The following GALNT15 variants were observed in gnomAD, a reference collection of about 807,000 sequenced individuals.
GALNT15 encodes the protein polypeptide N-acetylgalactosaminyltransferase 15.
Under a neutral mutation model 66.8 loss-of-function variants are expected in GALNT15, and 67 were observed. The observed-to-expected ratio is 1.00, with a 90% CI of 0.82 to 1.23. GALNT15 has a LOEUF of 1.23. Among genes scored for constraint, GALNT15 ranks in the 50% most tolerant of loss-of-function variants. The pLI is 0.00. For missense variants in GALNT15, 827 were observed against 804.3 expected (o/e 1.03, Z -0.34); for synonymous variants, 313 against 311.5 (o/e 1.00, Z -0.05).
rs756701073 is a variant in GALNT15, at chr3:16,212,646, T to C, written c.1275T>C (p.His425=). 1 of 1,613,836 alleles carries C rather than the reference T, an allele frequency of 6.2e-7. No homozygotes were observed. The highest frequency in any genetic ancestry group is 1.1e-5 in the South Asian group (1 of 91,066). Reference sequence around the variant, plus strand: ...ACATCTACCAAAATCAGGATTCCCATTCCCCCCTCGACCAGGAGGCCACCC... The same window carrying C: ...ACATCTACCAAAATCAGGATTCCCACTCCCCCCTCGACCAGGAGGCCACCC... ...VGHIYQNQDS[H]SPLDQEATLR... The change falls in exon 6 of 10, where the codon CAT becomes CAC. Residue 425 remains histidine, a synonymous_variant. Transcript: ENST00000339732.
the GALNT15 span, among the ~76,000 whole-genome samples, chr3:16,247,819 C>T: frequency 7.2e-5 from 11 of 152,228 alleles, no homozygotes; most frequent in African/African-American, 2.7e-4. Context: ...CCGGACCCAG[C>T]ACCTTTTTAG....
At chr3:16,206,401 C>T (rs753214412) in intron 3 of GALNT15, among the ~76,000 whole-genome samples, 4 of 148,944 alleles carry the variant, frequency 2.7e-5, no homozygotes, top group African/African-American at 9.9e-5. Context: ...AGGCCGGGCG[C>T]GATGGTTCAC....
chr3:16,190,495 G>A (rs1209641955), intron 1 of GALNT15, among the ~76,000 whole-genome samples: 4 of 152,066 alleles, frequency 2.6e-5, no homozygotes, highest in Admixed American at 1.3e-4. Flanking sequence ...AAAATTAGCC[G>A]GGCGTGGTGG....
At position 16,219,952 on chromosome 3, in the gene GALNT15, G is replaced by A. The variant is rs528645473; in HGVS notation, c.1567G>A (p.Glu523Lys). ...GLGLCADCQAEGDILGCPMVL... is the reference protein window; with the variant it reads ...GLGLCADCQAKGDILGCPMVL... ...TGGGCTCTGTGCAGACTGCCAGGCA[G>A]AAGGGGACATCCTGGGCTGTCCCAT... Residue 523 changes from glutamate (E) to lysine (K), a missense_variant, in exon 8 of 10, where the codon GAA (glutamate) becomes AAA (lysine). Glu to Lys is a moderately conservative substitution (Grantham distance 56). Transcript: ENST00000339732. This position sits in a 1 kb window ranked among gnomAD's most constrained non-coding sequence, Gnocchi z 4.3. 159 of 1,614,022 alleles carry A rather than the reference G, an allele frequency of 9.9e-5. 1 individual carries two copies. The South Asian group carries it at 1.7e-3, about 17-fold the overall frequency.
chr3:16,191,310 C>A lies in GALNT15; in HGVS notation c.540-4450C>A. ...ACACACACTTTCAAGGCTGGAAGAG[C>A]CTGAGAGGTACCTCTTGTAGTAATG... On this transcript the variant is annotated intron_variant, in intron 1 of 9. Transcript: ENST00000339732. This position sits in a 1 kb window ranked among gnomAD's most constrained non-coding sequence, Gnocchi z 5.2. 2.0e-6 allele frequency: 2 copies of A among 984,892 alleles called. No homozygotes were observed. Among genetic ancestry groups the A allele is most frequent in the Non-Finnish European group, 2.4e-6 (2 of 829,436 alleles). 61.0% of individuals were successfully genotyped at this position (984,892 alleles called of 1,614,324 possible). A position where few individuals can be genotyped will look rare whatever the true frequency, so the allele number is the denominator to read the frequency against.
downstream of GALNT15, among the ~76,000 whole-genome samples, chr3:16,230,585 AAAAG>A (rs1229133840): frequency 6.8e-6 from 1 of 146,744 alleles, no homozygotes; most frequent in Non-Finnish European, 1.5e-5. The surrounding 1 kb of genome is among the most constrained non-coding windows in gnomAD (Gnocchi z 4.5). Context: ...CATTCAAAAA[AAAAG>A]AAAAGAAAAA....
At chr3:16,231,770 C>T (rs2064084256), downstream of GALNT15, 1 of 1,517,068 alleles carries the variant, frequency 6.6e-7, no homozygotes, top group African/African-American at 1.4e-5. The surrounding 1 kb of genome is among the most constrained non-coding windows in gnomAD (Gnocchi z 4.1). Flanking sequence ...CTCTCTCTCC[C>T]TCCCTCTCTC....
rs1006329651 is a variant in GALNT15, at chr3:16,186,384, T to A, written c.540-9376T>A. Among the ~76,000 whole-genome samples the A allele has an allele frequency of 1.3e-5, 2 of 152,164 alleles. No individual in the cohort carries two copies. Among genetic ancestry groups the A allele is most frequent in the African/African-American group, 4.8e-5 (2 of 41,446 alleles). ...CTGCTTTGGAAAACAGTTTGGCAGT[T>A]CCCCAACATGTTAAACATGGAGCTA... On this transcript the variant is annotated intron_variant, in intron 1 of 9. Transcript: ENST00000339732. The surrounding 1 kb of genome is among the most constrained non-coding windows in gnomAD (Gnocchi z 5.1).
intron 1 of GALNT15, among the ~76,000 whole-genome samples, chr3:16,178,988 G>A (rs1268717759): frequency 6.6e-6 from 1 of 152,148 alleles, no homozygotes; most frequent in Non-Finnish European, 1.5e-5. Context: ...TTTCCCCCCT[G>A]CCCAGGCCAC....
chr3:16,178,570 A>T (rs1226628894), intron 1 of GALNT15, among the ~76,000 whole-genome samples: 2 of 151,308 alleles, frequency 1.3e-5, no homozygotes, highest in Non-Finnish European at 2.9e-5. Context: ...TTGGCTGCAG[A>T]CTCCCCTCTC....
Position 16,228,313 on chromosome 3 carries a change from T to C in GALNT15, c.*813T>C. The stretch of plus-strand genomic sequence containing the variant: ...TTGGTGTTAGAAGTACCAGCACAAT[T>C]TGAGCATTCCCATTAACAAAGGTGT... On this transcript the variant is annotated 3_prime_UTR_variant, in exon 10 of 10. Coordinates refer to ENST00000339732, the MANE Select transcript of GALNT15 (RefSeq NM_054110.5). 1 of 985,820 alleles carries C rather than the reference T, an allele frequency of 1.0e-6. No individual in the cohort carries two copies. Among genetic ancestry groups the C allele is most frequent in the Non-Finnish European group, 1.2e-6 (1 of 829,940 alleles). The allele number at this position is 985,820 out of a possible 1,614,324, so 61.1% of individuals were successfully genotyped here.
chr3:16,222,533 A>G (rs1232686377), intron 8 of GALNT15, 82 bp from the exon 9 acceptor site: 27 of 1,548,878 alleles, frequency 1.7e-5, no homozygotes, highest in Admixed American at 5.1e-5. Flanking sequence ...CCTCAGCTCT[A>G]TAGTGGGTTC....
Position 16,219,850 on chromosome 3 carries a change from A to C in GALNT15, c.1525-60A>C, listed in dbSNP as rs1183956353. On this transcript the variant is annotated intron_variant, in intron 7 of 9. Coordinates refer to ENST00000339732, the MANE Select transcript of GALNT15 (RefSeq NM_054110.5). The surrounding 1 kb of genome is among the most constrained non-coding windows in gnomAD (Gnocchi z 4.3). ...GAATACAGCAAAGGAATGGTGTCTG[A>C]CCGAGGGTGTCTTTACAGTGGAATC... 1 of 1,347,040 alleles carries C rather than the reference A, an allele frequency of 7.4e-7. No homozygotes were observed. The allele number at this position is 1,347,040 out of a possible 1,614,324, so 83.4% of individuals were successfully genotyped here. A position where few individuals can be genotyped will look rare whatever the true frequency, so the allele number is the denominator to read the frequency against.
chr3:16,219,951 A>C lies in GALNT15; in HGVS notation c.1566A>C (p.Ala522=), dbSNP rs375802954. The C allele has an allele frequency of 4.9e-5, 79 of 1,613,906 alleles. No homozygotes were observed. The highest frequency in any genetic ancestry group is 6.2e-5 in the Non-Finnish European group (73 of 1,179,826). The part of the protein sequence containing the change: ...TGLGLCADCQ[A]EGDILGCPMV... ...TTGGGCTCTGTGCAGACTGCCAGGC[A>C]GAAGGGGACATCCTGGGCTGTCCCA... The change falls in exon 8 of 10, where the codon GCA becomes GCC. Residue 522 remains alanine (A), a synonymous_variant. Transcript: ENST00000339732. This position sits in a 1 kb window ranked among gnomAD's most constrained non-coding sequence, Gnocchi z 4.3.
rs762077914 is a variant in GALNT15 at position 16,227,564 on chromosome 3, G to A, written c.*64G>A. 1 of 1,612,968 alleles carries A rather than the reference G, an allele frequency of 6.2e-7. No homozygotes were observed. Among genetic ancestry groups the A allele is most frequent in the Non-Finnish European group, 8.5e-7 (1 of 1,179,636 alleles). ...AAATCCAGCTCCAAGTGAACTTAAAGAGCTTATATATTTCATGAAGCTGAT... is the reference window on the plus strand; with the variant it reads ...AAATCCAGCTCCAAGTGAACTTAAAAAGCTTATATATTTCATGAAGCTGAT... On this transcript the variant is annotated 3_prime_UTR_variant, in exon 10 of 10. Transcript: ENST00000339732. The surrounding 1 kb of genome is among the most constrained non-coding windows in gnomAD (Gnocchi z 4.5).
rs2063538104 is a variant in GALNT15, at chr3:16,188,288, G to A, written c.540-7472G>A. On this transcript the variant is annotated intron_variant, in intron 1 of 9. Coordinates refer to ENST00000339732, the MANE Select transcript of GALNT15 (RefSeq NM_054110.5). This position sits in a 1 kb window ranked among gnomAD's most constrained non-coding sequence, Gnocchi z 4.6. ...AGTGAGAAGTTACAGGAACTCAGTT[G>A]GCACAAAATGGCAGCCATAGGTCGT... Among the ~76,000 whole-genome samples, 1 of 152,234 alleles carries A rather than the reference G, an allele frequency of 6.6e-6. No individual in the cohort carries two copies. Among genetic ancestry groups the A allele is most frequent in the African/African-American group, 2.4e-5 (1 of 41,450 alleles).
Position 16,219,758 on chromosome 3 carries a change from C to A in GALNT15, c.1525-152C>A. 1 of 859,704 alleles carries A rather than the reference C, an allele frequency of 1.2e-6. No homozygotes were observed. The highest frequency in any genetic ancestry group is 1.9e-6 in the Non-Finnish European group (1 of 521,654). The allele number at this position is 859,704 out of a possible 1,614,324, so 53.3% of individuals were successfully genotyped here. A position where few individuals can be genotyped will look rare whatever the true frequency, so the allele number is the denominator to read the frequency against. Reference sequence around the variant, plus strand: ...CTTCAAGAGGCCTGTCCCTTAGGGTCAGTGGCTTCAGCTTTACCACACCTG... The same window carrying A: ...CTTCAAGAGGCCTGTCCCTTAGGGTAAGTGGCTTCAGCTTTACCACACCTG... On this transcript the variant is annotated intron_variant, in intron 7 of 9. Coordinates refer to ENST00000339732, the MANE Select transcript of GALNT15 (RefSeq NM_054110.5). The surrounding 1 kb of genome is among the most constrained non-coding windows in gnomAD (Gnocchi z 4.3).
chr3:16,220,848 G>GGGCCTGGGGGCAGC (rs957379369), intron 8 of GALNT15, among the ~76,000 whole-genome samples: 1 of 152,100 alleles, frequency 6.6e-6, no homozygotes, highest in African/African-American at 2.4e-5. Context: ...CTGGGGGCAG[G>GGGCCTGGGGGCAGC]CTGTGGGCCT....
rs968912081 is a variant in GALNT15, at chr3:16,203,551, A to T, written c.911+2728A>T. ...CTCTCTCTCTCTCTCTCTCACACACACACACACACACACACACACACACAC... is the reference window on the plus strand; with the variant it reads ...CTCTCTCTCTCTCTCTCTCACACACTCACACACACACACACACACACACAC... On this transcript the variant is annotated intron_variant, in intron 3 of 9. Coordinates refer to ENST00000339732, the MANE Select transcript of GALNT15 (RefSeq NM_054110.5). The surrounding 1 kb of genome is among the most constrained non-coding windows in gnomAD (Gnocchi z 6.2). Among the ~76,000 whole-genome samples the T allele has an allele frequency of 2.0e-4, 20 of 100,484 alleles. No individual in the cohort carries two copies. Among genetic ancestry groups the T allele is most frequent in the South Asian group, 1.3e-3 (3 of 2,388 alleles). 65.9% of individuals were successfully genotyped at this position (100,484 alleles called of 152,430 possible).
Sources: allele counts gnomAD v4.1 joint callset (sites outside exome capture counted in the v4.1 genomes callset), GRCh38; gene constraint gnomAD v4.1.1; non-coding constraint Gnocchi (gnomAD v3.1); transcripts MANE v1.5; gene names NCBI Gene and HGNC (gene_info 2026-07-23, HGNC 2026-07-21).